Variants in EPB41 observed in about 807,000 individuals in gnomAD.
EPB41 encodes the protein erythrocyte membrane protein band 4.1.
Under a neutral mutation model 108.0 loss-of-function variants are expected in EPB41, and 65 were observed. The ratio of observed to expected loss-of-function variants is 0.60; its 90% confidence interval spans 0.49 to 0.74. The LOEUF is 0.74. Ranked by LOEUF, EPB41 falls within the 30% of genes least tolerant of loss-of-function variation. EPB41 has a pLI of 0.00. For synonymous variants in EPB41, 336 were observed against 358.9 expected, an observed-to-expected ratio of 0.94 and a Z score of 0.72; for missense variants, 875 against 1,037.0, an observed-to-expected ratio of 0.84 and a Z score of 2.15.
At chr1:29,013,223 G>A (rs2096530993) in intron 5 of EPB41, among the ~76,000 whole-genome samples, 1 of 151,992 alleles carries the variant, frequency 6.6e-6, no homozygotes, top group South Asian at 2.1e-4. Flanking sequence ...TACGCAGGAG[G>A]CTGAGGCAGG....
At chr1:29,057,384 A>AAG (rs1645702733) in intron 12 of EPB41, among the ~76,000 whole-genome samples, 1 of 150,784 alleles carries the variant, frequency 6.6e-6, no homozygotes, top group Non-Finnish European at 1.5e-5. Flanking sequence ...AAAAAAAAAA[A>AAG]AAAAAAAAAA....
intron 1 of EPB41, among the ~76,000 whole-genome samples, chr1:28,931,530 ATTT>A (rs201647126): frequency 1.4e-5 from 2 of 141,238 alleles, no homozygotes; most frequent in African/African-American, 2.6e-5. Context: ...TGACTTTGTA[ATTT>A]TTTTTTTTTT....
intron 17 of EPB41, among the ~76,000 whole-genome samples, chr1:29,102,424 A>G (rs1218349507): frequency 6.6e-6 from 1 of 152,160 alleles, no homozygotes; most frequent in Non-Finnish European, 1.5e-5. Context: ...GTACTAAAAA[A>G]CAAAACAAAA....
chr1:28,975,084 T>G (rs868634538), intron 1 of EPB41, among the ~76,000 whole-genome samples: 3 of 151,690 alleles, frequency 2.0e-5, no homozygotes, highest in African/African-American at 7.3e-5. Context: ...TGAGCCACCG[T>G]GCCTGGCCAA....
intron 17 of EPB41, among the ~76,000 whole-genome samples, chr1:29,098,782 C>T (rs1014462600): frequency 9.9e-5 from 15 of 151,980 alleles, no homozygotes; most frequent in African/African-American, 3.1e-4. Context: ...GTCACTCTGT[C>T]GCCCAGGCTG....
At chr1:29,107,179 C>T (rs962467788) in intron 17 of EPB41, among the ~76,000 whole-genome samples, 9 of 151,762 alleles carry the variant, frequency 5.9e-5, no homozygotes, top group Non-Finnish European at 2.9e-5. Context: ...AAAACTCCCT[C>T]TCAACAAAAA....
At chr1:28,948,611 C>A (rs2094579710) in intron 1 of EPB41, among the ~76,000 whole-genome samples, 2 of 151,676 alleles carry the variant, frequency 1.3e-5, no homozygotes, top group Admixed American at 1.3e-4. Flanking sequence ...GCTTAGTATC[C>A]TTTTACGCTA....
At chr1:29,020,751 A>G (rs189525125) in intron 7 of EPB41, among the ~76,000 whole-genome samples, 79 of 152,134 alleles carry the variant, frequency 5.2e-4, no homozygotes, top group Middle Eastern at 3.4e-3. Flanking sequence ...TCAATCTCCT[A>G]GGTTCAAGTG....
intron 2 of EPB41, among the ~76,000 whole-genome samples, chr1:28,992,548 G>A (rs985631252): frequency 2.6e-5 from 4 of 152,132 alleles, no homozygotes; most frequent in Non-Finnish European, 5.9e-5. Context: ...AATTAGCTGG[G>A]CGTGGTGGCG....
chr1:29,039,679 C>T (rs934389201), intron 11 of EPB41, among the ~76,000 whole-genome samples: 4 of 151,822 alleles, frequency 2.6e-5, no homozygotes, highest in Non-Finnish European at 5.9e-5. Flanking sequence ...CTGGGCGTGG[C>T]GGCATATGCC....
intron 1 of EPB41, among the ~76,000 whole-genome samples, chr1:28,946,438 T>A (rs961853598): frequency 6.6e-6 from 1 of 152,212 alleles, no homozygotes; most frequent in Non-Finnish European, 1.5e-5. Flanking sequence ...TCTCCTGCTA[T>A]AACACCTATC....
intron 1 of EPB41, among the ~76,000 whole-genome samples, chr1:28,894,902 C>CT (rs988707124): frequency 3.3e-5 from 5 of 152,136 alleles, no homozygotes; most frequent in Non-Finnish European, 5.9e-5. Context: ...CTTTTAACTG[C>CT]TCACCCAGCT....
At chr1:29,029,235 C>T (rs2096759132) in intron 7 of EPB41, among the ~76,000 whole-genome samples, 1 of 152,016 alleles carries the variant, frequency 6.6e-6, no homozygotes, top group Non-Finnish European at 1.5e-5. Flanking sequence ...TTCCCATTCT[C>T]CTTTTTTTAA....
At chr1:29,110,784 C>A (rs1001876234) in intron 18 of EPB41, among the ~76,000 whole-genome samples, 9 of 152,148 alleles carry the variant, frequency 5.9e-5, no homozygotes, top group Non-Finnish European at 1.0e-4. Flanking sequence ...TATGTGAGGA[C>A]CTTTTGACAT....
chr1:29,058,357 A>C (rs1007311648), intron 12 of EPB41, among the ~76,000 whole-genome samples: 1 of 152,100 alleles, frequency 6.6e-6, no homozygotes, highest in Non-Finnish European at 1.5e-5. Context: ...TTCTTTTTTG[A>C]TAATTTGGAT....
At position 28,997,077 on chromosome 1, in the gene EPB41, A is replaced by G. The variant is rs552009502; in HGVS notation, c.682-138A>G. 2.7e-4 allele frequency: 192 copies of G among 711,742 alleles called. 1 individual carries two copies. Among genetic ancestry groups the G allele is most frequent in the South Asian group, 2.6e-3 (175 of 67,278 alleles). The allele number at this position is 711,742 out of a possible 1,614,324, so 44.1% of individuals were successfully genotyped here. Reference sequence around the variant, plus strand: ...TGAGGTGGGAAGATCACTTGAGCCCAGGAGGTTGAGGCTGCAGTGAGCTAT... The same window carrying G: ...TGAGGTGGGAAGATCACTTGAGCCCGGGAGGTTGAGGCTGCAGTGAGCTAT... On this transcript the variant is annotated intron_variant, in intron 3 of 20. Coordinates refer to ENST00000343067, the MANE Select transcript of EPB41 (RefSeq NM_001376013.1).
chr1:29,082,164 AC>A (rs1334117822), intron 16 of EPB41, among the ~76,000 whole-genome samples: 2 of 152,040 alleles, frequency 1.3e-5, no homozygotes, highest in African/African-American at 4.8e-5. Context: ...TCACTCTGTC[AC>A]CCCGGCTGGA....
At chr1:29,032,297 C>G (rs147451574) in intron 8 of EPB41, among the ~76,000 whole-genome samples, 1 of 152,248 alleles carries the variant, frequency 6.6e-6, no homozygotes, top group East Asian at 1.9e-4. Context: ...AGTCAGGCAG[C>G]ATGTTCCCTT....
chr1:28,905,681 T>C (rs1400871934), intron 1 of EPB41, among the ~76,000 whole-genome samples: 2 of 152,152 alleles, frequency 1.3e-5, no homozygotes, highest in Non-Finnish European at 2.9e-5. Flanking sequence ...ACCGAATCTA[T>C]GGCATTTTGT....
Sources: gnomAD v4.1 joint callset for allele counts (sites outside exome capture counted in the v4.1 genomes callset) on GRCh38, gnomAD v4.1.1 for gene constraint, MANE v1.5 for transcripts, NCBI Gene and HGNC (gene_info 2026-07-23, HGNC 2026-07-21) for gene names.